The following BOLL variants were observed in gnomAD, a reference collection of about 807,000 sequenced individuals.
BOLL encodes the protein boule RNA binding protein.
BOLL carries 23 observed loss-of-function variants against 44.4 expected under a neutral mutation model. That is an observed-to-expected ratio of 0.52 (90% CI 0.37 to 0.73). The LOEUF (loss-of-function observed/expected upper bound fraction) is 0.73, where lower values mean the gene tolerates loss of function less well. Among genes scored for constraint, BOLL ranks in the 30% least tolerant of loss-of-function variants. The pLI is 0.00. For missense variants in BOLL, 287 were observed against 338.3 expected (o/e 0.85, Z 1.19); for synonymous variants, 97 against 110.8 (o/e 0.88, Z 0.78).
chr2:197,754,285 T>TA (rs879887803), intron 9 of BOLL, among the ~76,000 whole-genome samples: 32 of 150,640 alleles, frequency 2.1e-4, no homozygotes, highest in South Asian at 8.4e-4. Flanking sequence ...TAAAGTATAA[T>TA]AAAAAAAAAT....
chr2:197,754,680 C>G (rs1362981102), intron 9 of BOLL, among the ~76,000 whole-genome samples: 2 of 148,872 alleles, frequency 1.3e-5, no homozygotes, highest in African/African-American at 5.0e-5. Flanking sequence ...CACCATTGCA[C>G]TCTAGCCTGG....
In BOLL at chr2:197,726,963, A is replaced by G. The variant is rs184171794; in HGVS notation, c.*1592T>C. On this transcript the variant is annotated 3_prime_UTR_variant, in exon 11 of 11. Coordinates refer to ENST00000392296, the MANE Select transcript of BOLL (RefSeq NM_033030.6). The stretch of plus-strand genomic sequence containing the variant: ...CATCTTGTTTAACATTTGAAAATCA[A>G]AACATAAACTTTTTGGTTCTCAAGG... 12 of 152,792 alleles carry G rather than the reference A, an allele frequency of 7.9e-5. No individual in the cohort carries two copies. The East Asian group carries it at 2.3e-3, about 29-fold the overall frequency. The allele number at this position is 152,792 out of a possible 1,614,324, so 9.5% of individuals were successfully genotyped here.
At chr2:197,769,347 T>C (rs1689133392) in intron 6 of BOLL, among the ~76,000 whole-genome samples, 1 of 152,148 alleles carries the variant, frequency 6.6e-6, no homozygotes, top group African/African-American at 2.4e-5. Context: ...GAGCCTGTTA[T>C]TGGCCTATTC....
Position 197,781,799 on chromosome 2 carries a change from A to C in BOLL, c.52T>G (p.Leu18Val). ...PSPNPVSPVP[L>V]NNPTSAPRYG... The stretch of plus-strand genomic sequence containing the variant: ...CTTGGGGCACTTGTTGGGTTATTCA[A>C]AGGCACAGGTGACACAGGATTAGGG... Residue 18 changes from leucine (L) to valine (V), a missense_variant, in exon 2 of 11, where the codon TTG becomes GTG. Transcript: ENST00000392296. 6.2e-7 allele frequency: 1 copy of C among 1,608,590 alleles called. No individual in the cohort carries two copies. The highest frequency in any genetic ancestry group is 1.1e-5 in the South Asian group (1 of 90,314).
At chr2:197,746,793 G>C (rs1186544519) in intron 9 of BOLL, among the ~76,000 whole-genome samples, 1 of 151,632 alleles carries the variant, frequency 6.6e-6, no homozygotes, top group East Asian at 1.9e-4. Flanking sequence ...CCAGCTATTT[G>C]GGAGGCTGGG....
chr2:197,778,925 CAATG>C, intron 3 of BOLL, 46 bp downstream of exon 3: 1 of 1,480,656 alleles, frequency 6.8e-7, no homozygotes, highest in South Asian at 1.2e-5. Context: ...CCTAGTCATC[CAATG>C]AAAATAGAGT....
intron 10 of BOLL, among the ~76,000 whole-genome samples, chr2:197,737,534 C>T (rs140924319): frequency 1.1e-4 from 17 of 152,136 alleles, no homozygotes; most frequent in African/African-American, 3.9e-4. Flanking sequence ...AAAATTTATA[C>T]CCTCCTTATA....
At chr2:197,766,462 A>G in intron 7 of BOLL, 70 bp downstream of exon 7, 4 of 1,280,530 alleles carry the variant, frequency 3.1e-6, no homozygotes, top group Admixed American at 1.9e-5. Flanking sequence ...CATGAGAAAG[A>G]AATAAATGAA....
At chr2:197,755,636 C>G (rs1191756743) in intron 9 of BOLL, among the ~76,000 whole-genome samples, 3 of 152,180 alleles carry the variant, frequency 2.0e-5, no homozygotes, top group African/African-American at 7.2e-5. Context: ...AGCAAACTAA[C>G]ACAGGGACAG....
chr2:197,782,645 A>G (rs1689842134), intron 1 of BOLL, among the ~76,000 whole-genome samples: 1 of 152,138 alleles, frequency 6.6e-6, no homozygotes, highest in Non-Finnish European at 1.5e-5. Context: ...GAGAGGCCCC[A>G]TGGTTTATGT....
intron 10 of BOLL, among the ~76,000 whole-genome samples, chr2:197,731,370 C>T (rs1294579580): frequency 2.5e-4 from 37 of 146,148 alleles, no homozygotes; most frequent in Non-Finnish European, 3.6e-4. Flanking sequence ...TAATGGGAGA[C>T]TTTAACACCC....
intron 7 of BOLL, among the ~76,000 whole-genome samples, chr2:197,766,065 A>T (rs1262854014): frequency 6.6e-6 from 1 of 152,136 alleles, no homozygotes. Context: ...CTTGGTGTAT[A>T]TGTACCACAT....
At chr2:197,778,805 TACACACACAC>T (rs71964015) in intron 3 of BOLL, among the ~76,000 whole-genome samples, 160 bp downstream of exon 3, 52 of 143,554 alleles carry the variant, frequency 3.6e-4, no homozygotes, top group Non-Finnish European at 6.4e-4. Context: ...CCCTCCAAAA[TACACACACAC>T]ACACACACAC....
intron 10 of BOLL, among the ~76,000 whole-genome samples, chr2:197,735,862 T>C (rs1687460998): frequency 6.6e-6 from 1 of 152,192 alleles, no homozygotes; most frequent in South Asian, 2.1e-4. Flanking sequence ...TTTCTTTTTT[T>C]CTGTTTATTT....
intron 8 of BOLL, 60 bp from the exon 9 acceptor site, chr2:197,756,616 T>C (rs1222112698): frequency 6.8e-7 from 1 of 1,461,246 alleles, no homozygotes; most frequent in Admixed American, 2.2e-5. Flanking sequence ...TTAAACCAAA[T>C]GACTTAGCCA....
At chr2:197,786,107 T>A, upstream of BOLL, 2 of 1,447,546 alleles carry the variant, frequency 1.4e-6, no homozygotes, top group Non-Finnish European at 1.8e-6. The surrounding 1 kb of genome is among the most constrained non-coding windows in gnomAD (Gnocchi z 5.9). Flanking sequence ...CCTGGGACTC[T>A]CGCCCCCTGG....
At chr2:197,773,702 TGAAA>T (rs1689374625) in intron 5 of BOLL, among the ~76,000 whole-genome samples, 1 of 151,874 alleles carries the variant, frequency 6.6e-6, no homozygotes, top group African/African-American at 2.4e-5. Context: ...GTTCTGGAAC[TGAAA>T]GAAGGCTACA....
chr2:197,759,853 C>T (rs1389246588), intron 7 of BOLL, among the ~76,000 whole-genome samples: 1 of 152,242 alleles, frequency 6.6e-6, no homozygotes, highest in East Asian at 1.9e-4. Flanking sequence ...GGCTGAGAAA[C>T]AGCCCAGAGG....
chr2:197,759,456 C>T (rs1261022194), intron 7 of BOLL, among the ~76,000 whole-genome samples: 2 of 152,136 alleles, frequency 1.3e-5, no homozygotes, highest in African/African-American at 4.8e-5. Flanking sequence ...GTACTCCCCA[C>T]CCCCTCAACC....
Sources: allele counts gnomAD v4.1 joint callset (sites outside exome capture counted in the v4.1 genomes callset), GRCh38; gene constraint gnomAD v4.1.1; non-coding constraint Gnocchi (gnomAD v3.1); transcripts MANE v1.5; gene names NCBI Gene and HGNC (gene_info 2026-07-23, HGNC 2026-07-21).